Variants in ANKRD44 observed in about 807,000 individuals in gnomAD.
ANKRD44 encodes ankyrin repeat domain 44.
Under a neutral mutation model 116.0 loss-of-function variants are expected in ANKRD44, and 35 were observed. The observed-to-expected ratio is 0.30, with a 90% CI of 0.23 to 0.40. The LOEUF (loss-of-function observed/expected upper bound fraction) is 0.40, where lower values mean the gene tolerates loss of function less well. ANKRD44 is among the 10% of genes least tolerant of loss of function. The pLI, the probability that ANKRD44 is intolerant of heterozygous loss-of-function variation, is 1.00. For synonymous variants in ANKRD44, 435 were observed against 461.8 expected (o/e 0.94, Z 0.74); for missense variants, 1,014 against 1,242.6 (o/e 0.82, Z 2.77).
chr2:196,971,634 G>T (rs2889288), intron 21 of ANKRD44, among the ~76,000 whole-genome samples: 1 of 152,020 alleles, frequency 6.6e-6, no homozygotes, highest in Non-Finnish European at 1.5e-5. Context: ...ATTTTGGCAT[G>T]CGTGTCTCTA....
At chr2:197,248,791 C>T (rs144435242) in intron 1 of ANKRD44, among the ~76,000 whole-genome samples, 39 of 151,936 alleles carry the variant, frequency 2.6e-4, no homozygotes, top group African/African-American at 7.7e-4. Context: ...GGGTAGCATG[C>T]GGTGTCCATG....
intron 14 of ANKRD44, 108 bp from the exon 15 acceptor site, chr2:197,081,833 A>G (rs2077805576): frequency 1.2e-6 from 1 of 828,464 alleles, no homozygotes; most frequent in Admixed American, 2.3e-5. Context: ...ACCCCAACCC[A>G]AAAGAAGTAA....
At chr2:197,150,257 A>C (rs984798768) in intron 2 of ANKRD44, among the ~76,000 whole-genome samples, 1 of 152,184 alleles carries the variant, frequency 6.6e-6, no homozygotes, top group African/African-American at 2.4e-5. Flanking sequence ...TCTTTATAAA[A>C]ATGAAAGTGG....
intron 1 of ANKRD44, among the ~76,000 whole-genome samples, chr2:197,226,184 T>C (rs2081708214): frequency 1.3e-5 from 2 of 152,196 alleles, no homozygotes. Context: ...CAACTATATA[T>C]ATTTTAAAAT....
At chr2:197,011,481 T>A (rs951423608) in intron 18 of ANKRD44, among the ~76,000 whole-genome samples, 1 of 151,978 alleles carries the variant, frequency 6.6e-6, no homozygotes, top group African/African-American at 2.4e-5. Flanking sequence ...AGGTATTTTT[T>A]TTTTTTTTTG....
At chr2:197,089,021 C>A in intron 11 of ANKRD44, 1 of 380,964 alleles carries the variant, frequency 2.6e-6, no homozygotes, top group Admixed American at 4.4e-5. Flanking sequence ...GAACCACAGT[C>A]CCATTTTTTA....
At chr2:197,075,986 C>G (rs1212864816) in intron 16 of ANKRD44, among the ~76,000 whole-genome samples, 1 of 152,140 alleles carries the variant, frequency 6.6e-6, no homozygotes, top group Admixed American at 6.5e-5. Flanking sequence ...CAGATGGCCC[C>G]CCATCTTCTT....
At chr2:197,135,206 C>A (rs1356265635) in intron 4 of ANKRD44, 1 of 152,182 alleles carries the variant, frequency 6.6e-6, no homozygotes, top group African/African-American at 2.4e-5. Flanking sequence ...CAATAACGGC[C>A]AAAGACACCT....
rs144180963 is a variant in ANKRD44, at chr2:197,198,482, G to C, written c.28-11376C>G. ...TGTCAGAGGAAGCATTCTTCTGGTG[G>C]TAATATGTGAATCTAAAAGGTAAAT... On this transcript the variant is annotated intron_variant, in intron 1 of 27. Transcript: ENST00000282272. Among the ~76,000 whole-genome samples the C allele has an allele frequency of 2.0e-5, 3 of 152,220 alleles. No individual in the cohort carries two copies. The East Asian group carries it at 5.8e-4, about 29-fold the overall frequency.
chr2:196,983,129 C>A (rs181793004), downstream of ANKRD44, among the ~76,000 whole-genome samples: 511 of 151,868 alleles, frequency 3.4e-3, 1 homozygote, highest in African/African-American at 0.011. Flanking sequence ...ACCACCATGG[C>A]ACATGTATAC....
At chr2:197,001,074 C>T (rs906695089) in intron 22 of ANKRD44, among the ~76,000 whole-genome samples, 1 of 144,874 alleles carries the variant, frequency 6.9e-6, no homozygotes, top group South Asian at 2.1e-4. Flanking sequence ...ATCTTTCTGA[C>T]TCTTTTTTAC....
chr2:197,125,209 G>A (rs1256157900), intron 6 of ANKRD44, among the ~76,000 whole-genome samples, 172 bp downstream of exon 6: 3 of 152,186 alleles, frequency 2.0e-5, no homozygotes, highest in African/African-American at 7.2e-5. Flanking sequence ...CAAAGCAACT[G>A]CCCGACTGGA....
At chr2:197,088,853 C>T (rs1023299237) in intron 11 of ANKRD44, 79 bp from the exon 12 acceptor site, 33 of 1,455,662 alleles carry the variant, frequency 2.3e-5, no homozygotes, top group Non-Finnish European at 3.1e-5. Flanking sequence ...AGAAACATTG[C>T]AGAGACAGAA....
chr2:197,146,157 C>T (rs2079495991), intron 3 of ANKRD44, among the ~76,000 whole-genome samples: 1 of 152,202 alleles, frequency 6.6e-6, no homozygotes, highest in Non-Finnish European at 1.5e-5. Context: ...ACAATAGCAT[C>T]ACAAAGACCA....
chr2:197,036,446 A>C (rs2076809304), intron 16 of ANKRD44, among the ~76,000 whole-genome samples: 1 of 152,046 alleles, frequency 6.6e-6, no homozygotes, highest in Non-Finnish European at 1.5e-5. Flanking sequence ...TTTAGTAGAG[A>C]TGGGATTTTA....
At chr2:197,018,753 T>C (rs995469060) in intron 17 of ANKRD44, among the ~76,000 whole-genome samples, 2 of 152,244 alleles carry the variant, frequency 1.3e-5, no homozygotes, top group African/African-American at 4.8e-5. Context: ...AATGAATGAA[T>C]ATAATGACTA....
At chr2:197,021,879 T>C (rs547801679) in intron 17 of ANKRD44, among the ~76,000 whole-genome samples, 7 of 152,358 alleles carry the variant, frequency 4.6e-5, no homozygotes, top group Middle Eastern at 3.4e-3. Flanking sequence ...GGGGAAAGAA[T>C]TGGGATCTCA....
chr2:197,142,096 C>T (rs1049079035), intron 3 of ANKRD44, among the ~76,000 whole-genome samples: 1 of 152,156 alleles, frequency 6.6e-6, no homozygotes, highest in Non-Finnish European at 1.5e-5. Context: ...GAAACAAAGG[C>T]CCAATCCATC....
chr2:197,088,480 GAAAGAAGAAAACA>G (rs1463752742), intron 12 of ANKRD44, among the ~76,000 whole-genome samples: 4 of 138,208 alleles, frequency 2.9e-5, no homozygotes. Flanking sequence ...AAAGAAAAGA[GAAAGAAGAAAACA>G]AAAGAAGAAC....
Sources: allele counts gnomAD v4.1 joint callset (sites outside exome capture counted in the v4.1 genomes callset), GRCh38; gene constraint gnomAD v4.1.1; transcripts MANE v1.5; gene names NCBI Gene and HGNC (gene_info 2026-07-23, HGNC 2026-07-21).